The following DNAI3 variants were observed in gnomAD, a reference collection of about 807,000 sequenced individuals.
DNAI3 encodes WD repeat domain 63.
A neutral mutation model predicts 115.5 loss-of-function variants in DNAI3; 83 were observed. The ratio of observed to expected loss-of-function variants is 0.72; its 90% CI spans 0.60 to 0.86. The LOEUF (loss-of-function observed/expected upper bound fraction) is 0.86, where lower values mean the gene tolerates loss of function less well. DNAI3 is among the 40% of genes least tolerant of loss of function. The pLI is 0.00. For missense variants in DNAI3, 1,004 were observed against 1,075.8 expected (o/e 0.93, Z 0.93); for synonymous variants, 320 against 347.0 (o/e 0.92, Z 0.86).
In DNAI3 at chr1:85,094,454, G is replaced by A. The variant is rs149618832; in HGVS notation, c.1072G>A (p.Val358Met). The A allele has an allele frequency of 1.2e-5, 20 of 1,614,002 alleles. No homozygotes were observed. Among genetic ancestry groups the A allele is most frequent in the African/African-American group, 1.2e-4 (9 of 74,936 alleles). The change falls in exon 10 of 23, where the codon GTG becomes ATG. Residue 358 changes from valine (V) to methionine (M), a missense_variant. Physicochemically the swap from Val to Met is conservative, Grantham distance 21 (BLOSUM62 1). Around this residue, in one of 3 missense-constraint regions of DNAI3, gnomAD observed 550 missense variants for 568.1 expected, o/e 0.97. Transcript: ENST00000294664. ...AGGGCTAATAGCTGTGTCGGTAGCC[G>A]TGCGACTTTCTTTTGAAGACAGAGT... ...IYGLIAVSVAVRLSFEDRVHF... is the reference protein window; with the variant it reads ...IYGLIAVSVAMRLSFEDRVHF...
chr1:85,098,680 CT>C (rs760383430), intron 13 of DNAI3, 22 bp downstream of exon 13: 2 of 1,605,886 alleles, frequency 1.2e-6, no homozygotes. Flanking sequence ...TGGCCTTATA[CT>C]TTTCTCCTGC....
chr1:85,123,375 A>G (rs947913899), intron 18 of DNAI3, among the ~76,000 whole-genome samples: 12 of 152,262 alleles, frequency 7.9e-5, no homozygotes, highest in Admixed American at 2.0e-4. Flanking sequence ...CCTTTCTTAC[A>G]AGGCCCAGCA....
chr1:85,080,519 G>A (rs1186634523), intron 3 of DNAI3, among the ~76,000 whole-genome samples: 1 of 152,276 alleles, frequency 6.6e-6, no homozygotes, highest in South Asian at 2.1e-4. Context: ...GGTGGGCAGG[G>A]CTGCAGGACC....
chr1:85,066,991 A>G (rs1157479836), intron 1 of DNAI3, among the ~76,000 whole-genome samples: 4 of 152,196 alleles, frequency 2.6e-5, no homozygotes, highest in African/African-American at 4.8e-5. Flanking sequence ...AAAGTTATTT[A>G]TTTTCTAGAC....
At chr1:85,117,404 T>C (rs1655862337) in intron 16 of DNAI3, among the ~76,000 whole-genome samples, 1 of 152,176 alleles carries the variant, frequency 6.6e-6, no homozygotes, top group Admixed American at 6.5e-5. Flanking sequence ...AAAAGACTTT[T>C]AAAACAAGGT....
chr1:85,120,653 C>T (rs185571586), intron 17 of DNAI3, among the ~76,000 whole-genome samples: 26 of 152,240 alleles, frequency 1.7e-4, no homozygotes, highest in Admixed American at 4.6e-4. Context: ...CTCCTAAGAA[C>T]GCTGGCAAGG....
At chr1:85,079,750 G>T (rs1218141635) in intron 3 of DNAI3, among the ~76,000 whole-genome samples, 1 of 152,134 alleles carries the variant, frequency 6.6e-6, no homozygotes, top group East Asian at 1.9e-4. Context: ...AGGGCATGCT[G>T]CTGCTGAGGA....
Position 85,082,420 on chromosome 1 carries a change from G to A in DNAI3, c.390+16G>A, listed in dbSNP as rs767181999. The A allele has an allele frequency of 1.9e-6, 3 of 1,589,552 alleles. No homozygotes were observed. The highest frequency in any genetic ancestry group is 1.7e-6 in the Non-Finnish European group (2 of 1,159,100). On this transcript the variant is annotated intron_variant, in intron 5 of 22. Transcript: ENST00000294664. ...CTATTTAAATGTGAGCAAACCCCAA[G>A]CCCTTGTAATTTGTTTGTTTTTGTT... is the stretch of plus-strand genomic sequence containing the variant.
Position 85,093,516 on chromosome 1 carries a change from T to TA in DNAI3, c.917dup (p.Tyr306Ter). Residue 306 changes from tyrosine (Y) to a stop codon, truncating the protein, a stop_gained and frameshift_variant, in exon 9 of 23, where the codon TAC (tyrosine) becomes TAAC (stop). Coordinates refer to ENST00000294664, the MANE Select transcript of DNAI3 (RefSeq NM_145172.5). LOFTEE classifies it high-confidence loss of function. ...IMNTFIDDWK[Y>*]LAEEEGTFGD... is the part of the protein sequence containing the mutation. ...GAACACATTTATTGATGACTGGAAA[T>TA]ACCTCGCAGAAGAAGAAGGCACCTT... The TA allele has an allele frequency of 6.2e-7, 1 of 1,614,108 alleles. No individual in the cohort carries two copies. Among genetic ancestry groups the TA allele is most frequent in the Non-Finnish European group, 8.5e-7 (1 of 1,180,028 alleles).
intron 19 of DNAI3, among the ~76,000 whole-genome samples, chr1:85,126,033 G>C (rs1222164016): frequency 6.6e-6 from 1 of 152,156 alleles, no homozygotes; most frequent in Non-Finnish European, 1.5e-5. Flanking sequence ...TGCCAATTCT[G>C]ATGTTGATTT....
chr1:85,081,640 C>T (rs1654635741), intron 4 of DNAI3, among the ~76,000 whole-genome samples: 1 of 151,918 alleles, frequency 6.6e-6, no homozygotes, highest in African/African-American at 2.4e-5. Flanking sequence ...CTCATCCTTG[C>T]CCAGTTTTTG....
chr1:85,084,784 T>C, intron 6 of DNAI3, 89 bp downstream of exon 6: 1 of 1,238,962 alleles, frequency 8.1e-7, no homozygotes, highest in Non-Finnish European at 1.0e-6. Context: ...TTACTGTGTT[T>C]GCTATGGAGG....
At chr1:85,062,751 T>C (rs1294642457) in intron 1 of DNAI3, among the ~76,000 whole-genome samples, 1 of 152,190 alleles carries the variant, frequency 6.6e-6, no homozygotes, top group Non-Finnish European at 1.5e-5. Flanking sequence ...ACCCAGTGAC[T>C]ATCATATTGC....
intron 1 of DNAI3, among the ~76,000 whole-genome samples, chr1:85,066,905 A>T (rs1654116470): frequency 6.6e-6 from 1 of 152,250 alleles, no homozygotes; most frequent in Admixed American, 6.5e-5. Context: ...TCTACATAAA[A>T]AATAAACCTT....
chr1:85,064,511 A>C (rs1264266747), intron 1 of DNAI3, among the ~76,000 whole-genome samples: 1 of 152,192 alleles, frequency 6.6e-6, no homozygotes, highest in African/African-American at 2.4e-5. Flanking sequence ...ATTTACTGAG[A>C]ATCAATAGTT....
In DNAI3 at chr1:85,110,155, TAAA is replaced by T. The variant is rs376334573; in HGVS notation, c.1786+32_1786+34del. 2.7e-4 allele frequency: 371 copies of T among 1,393,716 alleles called. No individual in the cohort carries two copies. Among genetic ancestry groups the T allele is most frequent in the East Asian group, 4.8e-4 (19 of 39,414 alleles). The allele number at this position is 1,393,716 out of a possible 1,614,324, so 86.3% of individuals were successfully genotyped here. A position where few individuals can be genotyped will look rare whatever the true frequency, so the allele number is the denominator to read the frequency against. On this transcript the variant is annotated intron_variant, in intron 16 of 22. Transcript: ENST00000294664. ...CACAAGGTAACTGCCTTTGCTTATTTAAAAAAAAAAAAAAGGCCGGGCGCGGTG... is the reference window on the plus strand; with the variant it reads ...CACAAGGTAACTGCCTTTGCTTATTTAAAAAAAAAAAGGCCGGGCGCGGTG...
At chr1:85,084,818 G>C in intron 6 of DNAI3, 123 bp downstream of exon 6, 1 of 1,042,108 alleles carries the variant, frequency 9.6e-7, no homozygotes, top group East Asian at 3.2e-5. Context: ...GTGTTGTTTT[G>C]GTTTGCTTTT....
At chr1:85,091,502 C>T (rs962017125) in intron 8 of DNAI3, among the ~76,000 whole-genome samples, 1 of 152,144 alleles carries the variant, frequency 6.6e-6, no homozygotes, top group East Asian at 1.9e-4. Flanking sequence ...GATAAGAAAC[C>T]CATGTTTATA....
At chr1:85,099,907 C>T (rs1655238438) in intron 13 of DNAI3, among the ~76,000 whole-genome samples, 1 of 152,124 alleles carries the variant, frequency 6.6e-6, no homozygotes, top group Admixed American at 6.6e-5. Context: ...GCTGGGAAAA[C>T]TGGCTAGCCA....
Sources: allele counts gnomAD v4.1 joint callset (sites outside exome capture counted in the v4.1 genomes callset), GRCh38; gene constraint gnomAD v4.1.1; regional missense constraint gnomAD v4.1.1; transcripts MANE v1.5; gene names NCBI Gene and HGNC (gene_info 2026-07-23, HGNC 2026-07-21).